The following KCNH8 variants were observed in gnomAD, a reference collection of about 807,000 sequenced individuals.
KCNH8 encodes the protein voltage-gated delayed rectifier potassium channel KCNH8.
KCNH8 carries 70 observed loss-of-function variants against 103.6 expected under a neutral mutation model. The ratio of observed to expected loss-of-function variants is 0.68; its 90% CI spans 0.56 to 0.82. KCNH8 has a LOEUF of 0.82. Among genes scored for constraint, KCNH8 ranks in the 40% least tolerant of loss-of-function variants. The probability of loss-of-function intolerance (pLI) is 0.00; values close to 1 mark genes in which losing one functional copy is unlikely to be tolerated. For missense variants in KCNH8, 1,217 were observed against 1,329.9 expected, an observed-to-expected ratio of 0.92 and a Z score of 1.32; for synonymous variants, 498 against 489.4, an observed-to-expected ratio of 1.02 and a Z score of -0.23.
chr3:19,414,700 T>G (rs868466004), intron 7 of KCNH8, among the ~76,000 whole-genome samples: 1 of 152,076 alleles, frequency 6.6e-6, no homozygotes, highest in Non-Finnish European at 1.5e-5. Context: ...CTTACACTTA[T>G]TGATCACAAA....
intron 11 of KCNH8, among the ~76,000 whole-genome samples, chr3:19,463,039 C>G (rs899045832): frequency 2.0e-5 from 3 of 152,072 alleles, no homozygotes; most frequent in Non-Finnish European, 4.4e-5. Context: ...TCATAACTCC[C>G]TAAACAATAC....
chr3:19,466,908 G>GCCTCAGC (rs1443155147), intron 11 of KCNH8, among the ~76,000 whole-genome samples: 1 of 151,982 alleles, frequency 6.6e-6, no homozygotes, highest in Non-Finnish European at 1.5e-5. Flanking sequence ...TGATCTGCCT[G>GCCTCAGC]CCTCAGCTTC....
At chr3:19,488,453 A>T (rs555645652) in intron 11 of KCNH8, among the ~76,000 whole-genome samples, 3 of 152,172 alleles carry the variant, frequency 2.0e-5, no homozygotes, top group African/African-American at 4.8e-5. Context: ...CTGTTTTTGC[A>T]ATTTTTTCCT....
chr3:19,427,561 CT>C (rs1302680080), intron 7 of KCNH8, among the ~76,000 whole-genome samples: 1 of 152,050 alleles, frequency 6.6e-6, no homozygotes, highest in African/African-American at 2.4e-5. Flanking sequence ...TAGGTATGAC[CT>C]ATATCAATAT....
intron 11 of KCNH8, among the ~76,000 whole-genome samples, chr3:19,477,739 CTA>C (rs2068006118): frequency 6.6e-6 from 1 of 152,138 alleles, no homozygotes; most frequent in South Asian, 2.1e-4. Flanking sequence ...AGATGTCTTA[CTA>C]TGAGTTATCA....
intron 10 of KCNH8, among the ~76,000 whole-genome samples, chr3:19,452,142 T>C (rs2067457950): frequency 6.6e-6 from 1 of 152,066 alleles, no homozygotes; most frequent in Non-Finnish European, 1.5e-5. Context: ...CCTAGCGCTT[T>C]TGCAGACGAG....
At chr3:19,350,781 C>T (rs928701042) in intron 5 of KCNH8, among the ~76,000 whole-genome samples, 8 of 152,066 alleles carry the variant, frequency 5.3e-5, no homozygotes, top group African/African-American at 1.9e-4. Flanking sequence ...GGGGAGAAAC[C>T]AGAGCAGAAA....
chr3:19,186,824 A>G (rs1280011609), intron 1 of KCNH8, among the ~76,000 whole-genome samples: 1 of 151,962 alleles, frequency 6.6e-6, no homozygotes, highest in Non-Finnish European at 1.5e-5. Flanking sequence ...GTGAAGGAGG[A>G]CAATGTGTAG....
chr3:19,200,055 AC>A (rs1324429719), intron 1 of KCNH8, among the ~76,000 whole-genome samples: 1 of 152,100 alleles, frequency 6.6e-6, no homozygotes, highest in Admixed American at 6.6e-5. Context: ...CCTAAGCCTG[AC>A]AAATAAGTGA....
At chr3:19,234,609 G>T (rs2064039074) in intron 1 of KCNH8, among the ~76,000 whole-genome samples, 1 of 150,080 alleles carries the variant, frequency 6.7e-6, no homozygotes, top group Admixed American at 6.6e-5. Flanking sequence ...CCCGGTTCCC[G>T]CCCGCGCTTC....
intron 2 of KCNH8, among the ~76,000 whole-genome samples, chr3:19,269,087 G>A (rs370489679): frequency 3.3e-5 from 5 of 152,042 alleles, no homozygotes; most frequent in Non-Finnish European, 7.4e-5. Context: ...TTTGGTTTAC[G>A]TGTGTTTGTT....
intron 11 of KCNH8, among the ~76,000 whole-genome samples, chr3:19,476,454 A>T (rs1171197694): frequency 2.0e-5 from 3 of 152,148 alleles, no homozygotes; most frequent in Non-Finnish European, 2.9e-5. Context: ...GGGTATCCTG[A>T]AAATCTTATG....
chr3:19,458,235 C>T (rs1218164577), intron 11 of KCNH8, among the ~76,000 whole-genome samples: 1 of 151,794 alleles, frequency 6.6e-6, no homozygotes, highest in Non-Finnish European at 1.5e-5. Flanking sequence ...TCTTGAAATC[C>T]TTTTCATGTC....
In KCNH8 at chr3:19,511,640, C is replaced by A. The variant is rs145257074; in HGVS notation, c.2079+1239C>A. On this transcript the variant is annotated intron_variant, in intron 12 of 15. Transcript: ENST00000328405. ...TTTGTTAAAAACACAGAGTTTTAAA[C>A]GCTGTGAAAAACAAACAAGAGTAAC... is the stretch of plus-strand genomic sequence containing the variant. 2.5e-3 allele frequency among the ~76,000 whole-genome samples: 376 copies of A among 152,036 alleles called. 12 individuals carry two copies. In the East Asian group the frequency reaches 0.061, roughly 25 times the overall value.
chr3:19,510,223 G>A, intron 11 of KCNH8, 140 bp from the exon 12 acceptor site: 1 of 649,804 alleles, frequency 1.5e-6, no homozygotes, highest in South Asian at 1.8e-5. Context: ...GGCCTGCACA[G>A]GTAGATCCAC....
chr3:19,463,518 T>C (rs534031983), intron 11 of KCNH8, among the ~76,000 whole-genome samples: 1 of 152,078 alleles, frequency 6.6e-6, no homozygotes, highest in East Asian at 1.9e-4. Context: ...ATAAAAAATA[T>C]GCTCAAAAAC....
chr3:19,510,311 C>T, intron 11 of KCNH8, 52 bp from the exon 12 acceptor site: 1 of 1,152,814 alleles, frequency 8.7e-7, no homozygotes, highest in South Asian at 1.2e-5. Context: ...TTCACCCAGT[C>T]CCAAACCACC....
At chr3:19,499,627 C>G (rs538607978) in intron 11 of KCNH8, among the ~76,000 whole-genome samples, 7 of 152,144 alleles carry the variant, frequency 4.6e-5, no homozygotes, top group Non-Finnish European at 1.0e-4. Context: ...GAGTGGGGGC[C>G]AATATTCAAC....
chr3:19,342,819 T>C lies in KCNH8; in HGVS notation c.570+105T>C. On this transcript the variant is annotated intron_variant, in intron 4 of 15. Transcript: ENST00000328405. ...TTACCCATTTATTGGCTTGCCTAGA[T>C]TTTTTTTTCCACTTTGGTTTGTGCT... 2.7e-6 allele frequency: 3 copies of C among 1,100,500 alleles called. No individual in the cohort carries two copies. The South Asian group carries it at 4.9e-5, about 18-fold the overall frequency. 68.2% of individuals were successfully genotyped at this position (1,100,500 alleles called of 1,614,324 possible). A position where few individuals can be genotyped will look rare whatever the true frequency, so the allele number is the denominator to read the frequency against.
Sources: allele counts gnomAD v4.1 joint callset (sites outside exome capture counted in the v4.1 genomes callset), GRCh38; gene constraint gnomAD v4.1.1; transcripts MANE v1.5; gene names NCBI Gene and HGNC (gene_info 2026-07-23, HGNC 2026-07-21).